DYM: variants seen among roughly 807,000 people sequenced by gnomAD.
DYM encodes dyggve-Melchior-Clausen syndrome protein.
DYM carries 78 observed loss-of-function variants against 93.1 expected under a neutral mutation model. That is an observed-to-expected ratio of 0.84 (90% CI 0.70 to 1.01). DYM has a LOEUF of 1.01. Among genes scored for constraint, DYM ranks in the 50% least tolerant of loss-of-function variants. The pLI is 0.00. For synonymous variants in DYM, 321 were observed against 319.7 expected (o/e 1.00, Z -0.04); for missense variants, 789 against 845.0 (o/e 0.93, Z 0.82).
chr18:49,109,895 CAT>C (rs147409267), intron 16 of DYM, among the ~76,000 whole-genome samples: 6,530 of 152,302 alleles, frequency 0.043, 479 homozygotes, highest in African/African-American at 0.15. Context: ...TCCCAACACA[CAT>C]GTGTCAACTT....
chr18:49,089,000 G>A (rs2078809364), intron 17 of DYM, among the ~76,000 whole-genome samples: 2 of 152,036 alleles, frequency 1.3e-5, no homozygotes, highest in South Asian at 4.1e-4. Context: ...GTCTTGTTAT[G>A]TTTTCCAGGC....
intron 1 of DYM, among the ~76,000 whole-genome samples, chr18:49,443,641 C>T (rs1234294099): frequency 6.6e-6 from 1 of 152,076 alleles, no homozygotes; most frequent in Non-Finnish European, 1.5e-5. Flanking sequence ...CCCGATATGC[C>T]CTGCCACACA....
intron 17 of DYM, among the ~76,000 whole-genome samples, chr18:49,058,137 G>A (rs957944788): frequency 6.6e-6 from 1 of 152,158 alleles, no homozygotes; most frequent in Non-Finnish European, 1.5e-5. Flanking sequence ...GAAAATACAA[G>A]ACCTTTCCCT....
At chr18:49,260,670 G>A (rs574580302) in intron 11 of DYM, among the ~76,000 whole-genome samples, 40 of 152,160 alleles carry the variant, frequency 2.6e-4, no homozygotes, top group Admixed American at 3.9e-4. Context: ...TACCACCAAC[G>A]GAAAAAGAAG....
intron 1 of DYM, among the ~76,000 whole-genome samples, chr18:49,453,835 G>A (rs1027121937): frequency 2.6e-5 from 4 of 152,170 alleles, no homozygotes; most frequent in Admixed American, 1.3e-4. Flanking sequence ...AGGTTATAAA[G>A]GAAAGAGATT....
intron 14 of DYM, among the ~76,000 whole-genome samples, chr18:49,188,159 T>C (rs1003640828): frequency 6.6e-6 from 1 of 152,160 alleles, no homozygotes; most frequent in East Asian, 1.9e-4. Flanking sequence ...TTTGGCTGTT[T>C]GGGGGGTAGC....
At chr18:49,084,488 G>A (rs2078321431) in intron 17 of DYM, among the ~76,000 whole-genome samples, 1 of 152,134 alleles carries the variant, frequency 6.6e-6, no homozygotes, top group Admixed American at 6.5e-5. Context: ...TGATAGTGCT[G>A]TTTAAACCTA....
chr18:49,317,594 TCTC>T (rs1288300688), intron 8 of DYM, among the ~76,000 whole-genome samples: 1 of 28,046 alleles, frequency 3.6e-5, no homozygotes, highest in East Asian at 1.4e-3. Context: ...TCTCTCTCTC[TCTC>T]CCCCCTCCCC....
intron 3 of DYM, among the ~76,000 whole-genome samples, chr18:49,385,810 G>A (rs1165243234): frequency 6.6e-6 from 1 of 152,056 alleles, no homozygotes; most frequent in Non-Finnish European, 1.5e-5. Flanking sequence ...GGGAGGCTGA[G>A]GTGGGAGGCA....
At chr18:49,454,804 A>T (rs11082753) in intron 1 of DYM, among the ~76,000 whole-genome samples, 25,074 of 149,164 alleles carry the variant, frequency 0.17, 2,770 homozygotes, top group East Asian at 0.34. Context: ...GCTACTCAGG[A>T]GGCTGAGGCA....
chr18:49,317,467 C>T (rs2062018582), intron 8 of DYM, among the ~76,000 whole-genome samples: 1 of 151,116 alleles, frequency 6.6e-6, no homozygotes, highest in South Asian at 2.1e-4. Context: ...AGAAGTGGGC[C>T]TGGAAATGAA....
chr18:49,379,759 C>A lies in DYM; in HGVS notation c.194-1G>T. ...TTTCCTGTTCGAGGATTGTTTTCAA[C>A]TGCAAGAGAAGAAAAGGTTTTAAAA... is the stretch of plus-strand genomic sequence containing the variant. On this transcript the variant is annotated splice_acceptor_variant, in intron 3 of 17. Transcript: ENST00000675505. LOFTEE classifies it high-confidence loss of function. 1 of 1,609,570 alleles carries A rather than the reference C, an allele frequency of 6.2e-7. No individual in the cohort carries two copies. Among genetic ancestry groups the A allele is most frequent in the African/African-American group, 1.3e-5 (1 of 74,930 alleles).
At chr18:49,158,068 A>T (rs2086649140) in intron 15 of DYM, among the ~76,000 whole-genome samples, 1 of 152,208 alleles carries the variant, frequency 6.6e-6, no homozygotes, top group Admixed American at 6.5e-5. Flanking sequence ...AAGAAGCATA[A>T]CACCTGGAAT....
intron 15 of DYM, among the ~76,000 whole-genome samples, chr18:49,125,380 C>T (rs2082718982): frequency 6.6e-6 from 1 of 152,184 alleles, no homozygotes; most frequent in Non-Finnish European, 1.5e-5. Context: ...AACTAGTTGG[C>T]ACTGCTAGTC....
At chr18:49,211,088 A>T (rs1600682968) in intron 13 of DYM, among the ~76,000 whole-genome samples, 1 of 152,210 alleles carries the variant, frequency 6.6e-6, no homozygotes, top group East Asian at 1.9e-4. Context: ...TCCTTTGGAA[A>T]AGTGCTTGCA....
intron 16 of DYM, among the ~76,000 whole-genome samples, chr18:49,104,385 C>G (rs2145711099): frequency 6.6e-6 from 1 of 152,246 alleles, no homozygotes; most frequent in African/African-American, 2.4e-5. Flanking sequence ...TCCTCTTTTC[C>G]TAATTGAATA....
In DYM at chr18:49,148,175, A is replaced by G. The variant is rs540143473; in HGVS notation, c.1728+15510T>C. On this transcript the variant is annotated intron_variant, in intron 15 of 17. Transcript: ENST00000675505. Reference sequence around the variant, plus strand: ...ACATGGACACAGGAAGGGGAACATCACACACCGGGGCCTGTTGTTGGGTGG... The same window carrying G: ...ACATGGACACAGGAAGGGGAACATCGCACACCGGGGCCTGTTGTTGGGTGG... Among the ~76,000 whole-genome samples, 798 of 152,190 alleles carry G rather than the reference A, an allele frequency of 5.2e-3. 1 individual carries two copies. Among genetic ancestry groups the G allele is most frequent in the South Asian group, 0.014 (69 of 4,800 alleles).
At chr18:49,419,772 C>T (rs1461789883) in intron 2 of DYM, among the ~76,000 whole-genome samples, 1 of 152,132 alleles carries the variant, frequency 6.6e-6, no homozygotes, top group African/African-American at 2.4e-5. Context: ...AAACATGGTA[C>T]ATATCTCTAT....
chr18:49,070,212 A>G lies in DYM; in HGVS notation c.2026-26008T>C, dbSNP rs138924791. 2.0e-4 allele frequency among the ~76,000 whole-genome samples: 30 copies of G among 152,350 alleles called. No individual in the cohort carries two copies. The East Asian group carries it at 5.8e-3, about 29-fold the overall frequency. Reference sequence around the variant, plus strand: ...TGTTCTGGAAAAGTGAGGTTGATAGATATGTGAGAAACTAACATTGGCTAA... The same window carrying G: ...TGTTCTGGAAAAGTGAGGTTGATAGGTATGTGAGAAACTAACATTGGCTAA... On this transcript the variant is annotated intron_variant, in intron 17 of 17. Coordinates refer to ENST00000675505, the MANE Select transcript of DYM (RefSeq NM_001353214.3).
Sources: allele counts gnomAD v4.1 joint callset (sites outside exome capture counted in the v4.1 genomes callset), GRCh38; gene constraint gnomAD v4.1.1; transcripts MANE v1.5; gene names NCBI Gene and HGNC (gene_info 2026-07-23, HGNC 2026-07-21).